Variants in MPHOSPH9 observed in about 807,000 individuals in gnomAD.
The protein encoded by MPHOSPH9 is M-phase phosphoprotein 9.
A neutral mutation model predicts 145.5 loss-of-function variants in MPHOSPH9; 88 were observed. That is an observed-to-expected ratio of 0.60 (90% confidence interval 0.51 to 0.72). The LOEUF (loss-of-function observed/expected upper bound fraction) is 0.72, where lower values mean the gene tolerates loss of function less well. MPHOSPH9 is among the 30% of genes least tolerant of loss of function. The pLI is 0.00. For synonymous variants in MPHOSPH9, 435 were observed against 486.2 expected (o/e 0.89, Z 1.39); for missense variants, 1,238 against 1,386.6 (o/e 0.89, Z 1.70).
At position 123,155,460 on chromosome 12, in the gene MPHOSPH9, G is replaced by A. The variant is rs2043841921; in HGVS notation, c.*1347C>T. On this transcript the variant is annotated 3_prime_UTR_variant, in exon 24 of 24. Coordinates refer to ENST00000606320, the MANE Select transcript of MPHOSPH9 (RefSeq NM_022782.4). ...CTGCTTGGAATAACTGGGATGGCTT[G>A]GTTCATTCTAACTACTTATTATTAA... The A allele has an allele frequency of 6.6e-6, 1 of 152,072 alleles. No individual in the cohort carries two copies. Among genetic ancestry groups the A allele is most frequent in the Non-Finnish European group, 1.5e-5 (1 of 68,014 alleles). The allele number at this position is 152,072 out of a possible 1,614,324, so 9.4% of individuals were successfully genotyped here. A position where few individuals can be genotyped will look rare whatever the true frequency, so the allele number is the denominator to read the frequency against.
intron 6 of MPHOSPH9, among the ~76,000 whole-genome samples, chr12:123,216,318 T>C (rs1373779204): frequency 6.6e-6 from 1 of 152,098 alleles, no homozygotes; most frequent in African/African-American, 2.4e-5. Flanking sequence ...ATTGAAGAAA[T>C]AAAATTTATT....
chr12:123,207,590 A>C (rs1257277875), intron 8 of MPHOSPH9, among the ~76,000 whole-genome samples: 1 of 152,194 alleles, frequency 6.6e-6, no homozygotes, highest in Non-Finnish European at 1.5e-5. Context: ...GCACTAGCTC[A>C]TGCCTGTAAT....
chr12:123,173,001 G>T (rs577610929), intron 16 of MPHOSPH9, among the ~76,000 whole-genome samples: 1 of 144,806 alleles, frequency 6.9e-6, no homozygotes, highest in African/African-American at 2.5e-5. Flanking sequence ...TCAGCCTCCC[G>T]AGTAGCTGGG....
At chr12:123,232,212 C>T (rs190411729) in intron 1 of MPHOSPH9, among the ~76,000 whole-genome samples, 1 of 151,914 alleles carries the variant, frequency 6.6e-6, no homozygotes, top group Admixed American at 6.6e-5. Context: ...GAACCTGCAA[C>T]CCCATCTATT....
chr12:123,211,684 C>CTTTTTTTTTTT (rs147321517), intron 7 of MPHOSPH9, among the ~76,000 whole-genome samples: 3 of 67,756 alleles, frequency 4.4e-5, no homozygotes, highest in African/African-American at 8.5e-5. Flanking sequence ...TAGACAATTT[C>CTTTTTTTTTTT]TTTTTTTTTT....
In MPHOSPH9 at chr12:123,194,256, G is replaced by T. The variant is rs796840073; in HGVS notation, c.2241+130C>A. ...TGCACTCCAGCCTGGGTGTCAGAGT[G>T]AGACTCTGTCTCAAAATAAATCAAT... On this transcript the variant is annotated intron_variant, in intron 13 of 23. Transcript: ENST00000606320. 5.3e-5 allele frequency: 35 copies of T among 657,462 alleles called. No homozygotes were observed. The African/African-American group carries it at 6.3e-4, about 12-fold the overall frequency. 40.7% of individuals were successfully genotyped at this position (657,462 alleles called of 1,614,324 possible). A position where few individuals can be genotyped will look rare whatever the true frequency, so the allele number is the denominator to read the frequency against.
intron 15 of MPHOSPH9, among the ~76,000 whole-genome samples, chr12:123,177,493 A>G (rs2044931867): frequency 1.3e-5 from 2 of 152,038 alleles, no homozygotes; most frequent in African/African-American, 4.8e-5. Context: ...CCGTTATCAC[A>G]CCACTTTACT....
At chr12:123,217,791 C>A (rs952644095) in intron 6 of MPHOSPH9, among the ~76,000 whole-genome samples, 1 of 152,074 alleles carries the variant, frequency 6.6e-6, no homozygotes, top group Admixed American at 6.6e-5. Context: ...TGCCTATAAT[C>A]CCTGCACTTT....
chr12:123,161,318 G>C lies in MPHOSPH9; in HGVS notation c.3199C>G (p.Pro1067Ala). 6.2e-7 allele frequency: 1 copy of C among 1,613,890 alleles called. No individual in the cohort carries two copies. Among genetic ancestry groups the C allele is most frequent in the Non-Finnish European group, 8.5e-7 (1 of 1,179,962 alleles). ...ACAGATACTTTCTTCACTCCATTTG[G>C]CACCGGTTCAGGGCAAGAGCTATGA... ...VNHSSCPEPV[P>A]NGVKKVSVRT... Residue 1067 changes from proline (P) to alanine (A), a missense_variant, in exon 22 of 24, where the codon CCA becomes GCA. Physicochemically the swap from Pro to Ala is conservative, Grantham distance 27. Around this residue, in one of 3 missense-constraint regions of MPHOSPH9, gnomAD observed 393 missense variants for 462.5 expected, o/e 0.85. Coordinates refer to ENST00000606320, the MANE Select transcript of MPHOSPH9 (RefSeq NM_022782.4).
At chr12:123,166,552 C>G in intron 17 of MPHOSPH9, 103 bp downstream of exon 17, 1 of 1,275,732 alleles carries the variant, frequency 7.8e-7, no homozygotes, top group East Asian at 2.3e-5. Context: ...AAAATTAAGA[C>G]ATTAAAGAAC....
chr12:123,188,849 A>G (rs577306420), intron 13 of MPHOSPH9, among the ~76,000 whole-genome samples: 9 of 152,284 alleles, frequency 5.9e-5, no homozygotes, highest in African/African-American at 1.9e-4. Context: ...ACTCCTTCTC[A>G]AAAAAATAAA....
chr12:123,157,004 T>C (rs2043894631), intron 23 of MPHOSPH9, 96 bp from the exon 24 acceptor site: 1 of 752,232 alleles, frequency 1.3e-6, no homozygotes, highest in Non-Finnish European at 2.1e-6. Flanking sequence ...AGAGCAAGTA[T>C]AAACACTAAA....
chr12:123,220,838 A>C lies in MPHOSPH9; in HGVS notation c.872+534T>G, dbSNP rs954639532. On this transcript the variant is annotated intron_variant, in intron 5 of 23. Transcript: ENST00000606320. ...TGGGAGGCAGAGGCGGGCAGATCAC[A>C]AGGTCAGGAGATCGAGACCATCCTG... Among the ~76,000 whole-genome samples, 5 of 151,982 alleles carry C rather than the reference A, an allele frequency of 3.3e-5. No homozygotes were observed. In the East Asian group the frequency reaches 9.7e-4, roughly 29 times the overall value.
At chr12:123,196,523 T>C (rs986603565) in intron 12 of MPHOSPH9, among the ~76,000 whole-genome samples, 7 of 152,116 alleles carry the variant, frequency 4.6e-5, no homozygotes, top group Non-Finnish European at 8.8e-5. Flanking sequence ...CTTAAAAAGA[T>C]TGCCTTATAC....
intron 17 of MPHOSPH9, chr12:123,165,743 C>G (rs1402721788): frequency 5.9e-6 from 2 of 339,318 alleles, no homozygotes; most frequent in East Asian, 4.7e-5. Context: ...GAGGACATAA[C>G]CAGGAAGAGG....
chr12:123,241,676 C>T (rs2031660246), intron 1 of MPHOSPH9, among the ~76,000 whole-genome samples: 1 of 152,162 alleles, frequency 6.6e-6, no homozygotes, highest in Non-Finnish European at 1.5e-5. Context: ...CCCTATGTTG[C>T]ACAGGCTGGA....
intron 8 of MPHOSPH9, among the ~76,000 whole-genome samples, chr12:123,209,162 A>G (rs1015557842): frequency 3.3e-5 from 5 of 151,920 alleles, no homozygotes; most frequent in African/African-American, 4.8e-5. Context: ...TGAACTCCCA[A>G]CCTCAGGTGA....
intron 4 of MPHOSPH9, among the ~76,000 whole-genome samples, 167 bp downstream of exon 4, chr12:123,222,871 G>C (rs1398119671): frequency 6.6e-6 from 1 of 152,032 alleles, no homozygotes; most frequent in East Asian, 1.9e-4. Flanking sequence ...AGGAGGCAGA[G>C]GTTGTAGTGA....
intron 13 of MPHOSPH9, among the ~76,000 whole-genome samples, chr12:123,184,320 G>A (rs952403797): frequency 6.6e-6 from 1 of 151,766 alleles, no homozygotes; most frequent in Non-Finnish European, 1.5e-5. Flanking sequence ...CTGTCTTTAC[G>A]AAAACTGAAC....
Sources: allele counts gnomAD v4.1 joint callset (sites outside exome capture counted in the v4.1 genomes callset), GRCh38; gene constraint gnomAD v4.1.1; regional missense constraint gnomAD v4.1.1; transcripts MANE v1.5; gene names NCBI Gene and HGNC (gene_info 2026-07-23, HGNC 2026-07-21).